Variants in HS3ST2 observed in about 807,000 individuals in gnomAD.
The protein encoded by HS3ST2 is heparan sulfate glucosamine 3-O-sulfotransferase 2.
Under a neutral mutation model 26.3 loss-of-function variants are expected in HS3ST2, and 17 were observed. That is an observed-to-expected ratio of 0.65 (90% CI 0.44 to 0.97). The LOEUF (loss-of-function observed/expected upper bound fraction) is 0.97, where lower values mean the gene tolerates loss of function less well. Among genes scored for constraint, HS3ST2 ranks in the 50% least tolerant of loss-of-function variants. The pLI is 0.00. For synonymous variants in HS3ST2, 237 were observed against 219.2 expected, an observed-to-expected ratio of 1.08 and a Z score of -0.72; for missense variants, 402 against 501.2, an observed-to-expected ratio of 0.80 and a Z score of 1.89.
chr16:22,839,508 T>C (rs1045831908), intron 1 of HS3ST2, among the ~76,000 whole-genome samples: 2 of 152,236 alleles, frequency 1.3e-5, no homozygotes, highest in African/African-American at 2.4e-5. Flanking sequence ...TTTTTTCTTC[T>C]TGACTCAAAA....
chr16:22,816,482 G>A (rs1402771066), intron 1 of HS3ST2, among the ~76,000 whole-genome samples: 1 of 152,200 alleles, frequency 6.6e-6, no homozygotes, highest in East Asian at 1.9e-4. Context: ...TGTAGTTGTG[G>A]GGACGAGTGG....
chr16:22,860,568 G>C (rs896503296), intron 1 of HS3ST2, among the ~76,000 whole-genome samples: 2 of 152,060 alleles, frequency 1.3e-5, no homozygotes, highest in Non-Finnish European at 2.9e-5. Flanking sequence ...TTTGGGGAAG[G>C]AGTCTGTCTC....
rs79017629 is a variant in HS3ST2 at position 22,873,977 on chromosome 16, G to A, written c.486-40967G>A. 5.6e-3 allele frequency among the ~76,000 whole-genome samples: 855 copies of A among 152,290 alleles called. 15 individuals carry two copies. Among genetic ancestry groups the A allele is most frequent in the East Asian group, 0.031 (161 of 5,180 alleles). ...TACTCAATGGAGATCACAGGGTTCC[G>A]GGAATAGCAGGAGGGCAAGCGTCAG... On this transcript the variant is annotated intron_variant, in intron 1 of 1. Coordinates refer to ENST00000261374, the MANE Select transcript of HS3ST2 (RefSeq NM_006043.2).
At chr16:22,894,870 T>C (rs749152950) in intron 1 of HS3ST2, among the ~76,000 whole-genome samples, 6 of 152,184 alleles carry the variant, frequency 3.9e-5, no homozygotes, top group Non-Finnish European at 8.8e-5. Flanking sequence ...GCCTCCCTTC[T>C]TCCAAAAATA....
At position 22,842,014 on chromosome 16, in the gene HS3ST2, G is replaced by T. The variant is rs1050462508; in HGVS notation, c.485+26919G>T. 6.8e-5 allele frequency among the ~76,000 whole-genome samples: 10 copies of T among 147,012 alleles called. 1 individual carries two copies. The highest frequency in any genetic ancestry group is 6.8e-4 in the Admixed American group (10 of 14,760). ...CTTTTTTTTTCTCTGGTTGTTTTTC[G>T]CTGTATCTTTGGTGTTCTGTAATGT... is the stretch of plus-strand genomic sequence containing the variant. On this transcript the variant is annotated intron_variant, in intron 1 of 1. Transcript: ENST00000261374.
intron 1 of HS3ST2, among the ~76,000 whole-genome samples, chr16:22,825,928 A>G (rs1901079267): frequency 6.6e-6 from 1 of 152,070 alleles, no homozygotes; most frequent in African/African-American, 2.4e-5. Context: ...GAGGCTGAGG[A>G]AGGAGAATCA....
chr16:22,912,413 T>C (rs1043657647), intron 1 of HS3ST2, among the ~76,000 whole-genome samples: 1 of 151,770 alleles, frequency 6.6e-6, no homozygotes, highest in African/African-American at 2.4e-5. Flanking sequence ...GAACCAGGAG[T>C]TGATATTCCA....
chr16:22,899,039 T>C (rs1240976294), intron 1 of HS3ST2, among the ~76,000 whole-genome samples: 2 of 152,230 alleles, frequency 1.3e-5, no homozygotes, highest in African/African-American at 4.8e-5. Context: ...TGGGGCAGGC[T>C]TGCGGAACTC....
chr16:22,823,111 G>A lies in HS3ST2; in HGVS notation c.485+8016G>A, dbSNP rs1901024756. 3.3e-5 allele frequency among the ~76,000 whole-genome samples: 5 copies of A among 152,112 alleles called. 1 individual carries two copies. In the South Asian group the frequency reaches 1.0e-3, roughly 32 times the overall value. On this transcript the variant is annotated intron_variant, in intron 1 of 1. Transcript: ENST00000261374. ...TGTTTAAAAGCAACTTTATTTTGAA[G>A]CCACCCTAAATGGAAAACCGGCAAC...
In HS3ST2 at chr16:22,896,859, T is replaced by C. The variant is rs553650601; in HGVS notation, c.486-18085T>C. 4.6e-5 allele frequency among the ~76,000 whole-genome samples: 7 copies of C among 152,268 alleles called. No individual in the cohort carries two copies. The South Asian group carries it at 1.5e-3, about 32-fold the overall frequency. ...TTGCTTTGTTGCCCAGGCACTGGAG[T>C]GCAACGGCGCAATCTCAGCTCACTG... On this transcript the variant is annotated intron_variant, in intron 1 of 1. Coordinates refer to ENST00000261374, the MANE Select transcript of HS3ST2 (RefSeq NM_006043.2).
chr16:22,913,846 C>G (rs1263114445), intron 1 of HS3ST2, among the ~76,000 whole-genome samples: 1 of 151,898 alleles, frequency 6.6e-6, no homozygotes. Context: ...ACAAAAAATA[C>G]AAAAAATAAG....
At chr16:22,839,038 A>G (rs1901314783) in intron 1 of HS3ST2, among the ~76,000 whole-genome samples, 1 of 152,228 alleles carries the variant, frequency 6.6e-6, no homozygotes, top group South Asian at 2.1e-4. Context: ...AACATGGTGC[A>G]TATCCCTGCA....
intron 1 of HS3ST2, among the ~76,000 whole-genome samples, chr16:22,819,855 T>C (rs1045056613): frequency 6.6e-6 from 1 of 152,216 alleles, no homozygotes; most frequent in Non-Finnish European, 1.5e-5. Context: ...CATATTCTAA[T>C]TGCAAAGCCC....
chr16:22,814,605 G>A lies in HS3ST2; in HGVS notation c.-6G>A, dbSNP rs1036238323. 2.6e-6 allele frequency: 4 copies of A among 1,524,064 alleles called. No homozygotes were observed. Among genetic ancestry groups the A allele is most frequent in the Non-Finnish European group, 3.5e-6 (4 of 1,138,392 alleles). The allele number at this position is 1,524,064 out of a possible 1,614,324, so 94.4% of individuals were successfully genotyped here. On this transcript the variant is annotated 5_prime_UTR_variant, in exon 1 of 2. An upstream start codon of the reference 5' UTR is lost. Coordinates refer to ENST00000261374, the MANE Select transcript of HS3ST2 (RefSeq NM_006043.2). ...ACCATGACCCCCGGCGCGGGCCCATGGAGCCATGGCCTATAGGGTCCTGGG... is the reference window on the plus strand; with the variant it reads ...ACCATGACCCCCGGCGCGGGCCCATAGAGCCATGGCCTATAGGGTCCTGGG...
intron 1 of HS3ST2, among the ~76,000 whole-genome samples, chr16:22,852,943 T>TC (rs1254665724): frequency 7.3e-6 from 1 of 137,150 alleles, no homozygotes; most frequent in African/African-American, 3.2e-5. Flanking sequence ...TTCTGACTAA[T>TC]CTCACGAAAG....
intron 1 of HS3ST2, among the ~76,000 whole-genome samples, chr16:22,837,819 T>C (rs929726400): frequency 1.3e-5 from 2 of 151,982 alleles, no homozygotes; most frequent in African/African-American, 4.8e-5. Flanking sequence ...CTAAATATCT[T>C]ATTTTACTAT....
chr16:22,861,325 G>A (rs1357263215), intron 1 of HS3ST2, among the ~76,000 whole-genome samples: 1 of 151,802 alleles, frequency 6.6e-6, no homozygotes, highest in African/African-American at 2.4e-5. Flanking sequence ...CTCTGCTTGT[G>A]GCCTGGGGGC....
chr16:22,860,867 G>A (rs1978073), intron 1 of HS3ST2, among the ~76,000 whole-genome samples: 43,324 of 149,912 alleles, frequency 0.29, 7,710 homozygotes, highest in African/African-American at 0.5. Flanking sequence ...AGATAAATAT[G>A]TATTTAATAT....
intron 1 of HS3ST2, among the ~76,000 whole-genome samples, chr16:22,890,039 A>T (rs1051757909): frequency 6.6e-6 from 1 of 152,212 alleles, no homozygotes; most frequent in South Asian, 2.1e-4. Context: ...TCTTGGCATA[A>T]TAAGGAAAAA....
Sources: allele counts gnomAD v4.1 joint callset (sites outside exome capture counted in the v4.1 genomes callset), GRCh38; gene constraint gnomAD v4.1.1; transcripts MANE v1.5; gene names NCBI Gene and HGNC (gene_info 2026-07-23, HGNC 2026-07-21).